The following A1CF variants were observed in gnomAD, a reference collection of about 807,000 sequenced individuals.
The protein encoded by A1CF is APOBEC-1 stimulating protein.
A neutral mutation model predicts 68.9 loss-of-function variants in A1CF; 48 were observed. The observed-to-expected ratio is 0.70, with a 90% CI of 0.55 to 0.89. The LOEUF is 0.89. Ranked by LOEUF, A1CF falls within the 40% of genes least tolerant of loss-of-function variation. A1CF has a pLI of 0.00. For missense variants in A1CF, 653 were observed against 718.9 expected, an observed-to-expected ratio of 0.91 and a Z score of 1.05; for synonymous variants, 272 against 260.4, an observed-to-expected ratio of 1.04 and a Z score of -0.43.
chr10:50,837,657 G>A (rs912776128), intron 5 of A1CF, among the ~76,000 whole-genome samples: 4 of 152,194 alleles, frequency 2.6e-5, no homozygotes, highest in African/African-American at 4.8e-5. Context: ...TAGTTCTTGC[G>A]TACTACATGC....
chr10:50,848,353 C>T (rs779040538), intron 3 of A1CF, among the ~76,000 whole-genome samples: 1 of 152,188 alleles, frequency 6.6e-6, no homozygotes, highest in East Asian at 1.9e-4. Context: ...GAATAAAGGT[C>T]CTATCATTCT....
At chr10:50,877,860 C>T (rs180694535) in intron 1 of A1CF, among the ~76,000 whole-genome samples, 122 of 152,334 alleles carry the variant, frequency 8.0e-4, no homozygotes, top group Admixed American at 1.4e-3. Context: ...CCGTGGCTCA[C>T]GCCTGTAATC....
rs146944926 is a variant in A1CF at position 50,820,889 on chromosome 10, G to A, written c.770-240C>T. 7.0e-4 allele frequency among the ~76,000 whole-genome samples: 107 copies of A among 152,098 alleles called. 2 individuals carry two copies. The highest frequency in any genetic ancestry group is 6.6e-3 in the Admixed American group (101 of 15,260). ...TGTCTTCCACTTCCTAGATTACAAG[G>A]TGTCTAAGGGTGGGAATTCCATCTT... On this transcript the variant is annotated intron_variant, in intron 7 of 12. Coordinates refer to ENST00000373997, the MANE Select transcript of A1CF (RefSeq NM_014576.4).
In A1CF at chr10:50,804,138, A is replaced by T. The variant is rs1231119939; in HGVS notation, c.*2591T>A. ...ACTAAAACAAAGTAAAATTTTAGCA[A>T]AAAAACCAAAACCACTTCTACCTAC... On this transcript the variant is annotated 3_prime_UTR_variant, in exon 13 of 13. Transcript: ENST00000373997. The T allele has an allele frequency of 6.6e-6, 1 of 152,176 alleles. No individual in the cohort carries two copies. Among genetic ancestry groups the T allele is most frequent in the Non-Finnish European group, 1.5e-5 (1 of 67,994 alleles). 9.4% of individuals were successfully genotyped at this position (152,176 alleles called of 1,614,324 possible).
rs757414546 is a variant in A1CF, at chr10:50,844,066, A to AG, written c.155dup (p.Glu53Ter). The AG allele has an allele frequency of 6.2e-7, 1 of 1,613,420 alleles. No individual in the cohort carries two copies. The highest frequency in any genetic ancestry group is 1.3e-5 in the African/African-American group (1 of 74,884). ...CAATAAAAATTTCACAGCCCCTTTC[A>AG]GGGGGTGCAGCATCCCAACCAGGTG... On this transcript the variant is annotated frameshift_variant, in exon 4 of 13. Coordinates refer to ENST00000373997, the MANE Select transcript of A1CF (RefSeq NM_014576.4). LOFTEE classifies it high-confidence loss of function.
At chr10:50,865,470 A>C (rs1840945586) in intron 1 of A1CF, among the ~76,000 whole-genome samples, 1 of 152,224 alleles carries the variant, frequency 6.6e-6, no homozygotes, top group Non-Finnish European at 1.5e-5. Context: ...TAGCTATTAT[A>C]TCATTTTAAT....
chr10:50,864,316 G>A (rs1341670650), intron 1 of A1CF, among the ~76,000 whole-genome samples: 1 of 152,154 alleles, frequency 6.6e-6, no homozygotes, highest in Non-Finnish European at 1.5e-5. Context: ...TCATATTGGA[G>A]GAGAGAAGCA....
At chr10:50,844,709 AAC>A (rs1454587344) in intron 3 of A1CF, among the ~76,000 whole-genome samples, 2 of 152,210 alleles carry the variant, frequency 1.3e-5, no homozygotes, top group African/African-American at 2.4e-5. Flanking sequence ...TTGTGGAAAA[AAC>A]ACAGTGACAT....
intron 5 of A1CF, among the ~76,000 whole-genome samples, chr10:50,836,547 T>A (rs931426913): frequency 6.6e-6 from 1 of 152,094 alleles, no homozygotes; most frequent in Non-Finnish European, 1.5e-5. Flanking sequence ...TTTCTTTTTT[T>A]ATTTTATTTT....
chr10:50,823,105 G>T (rs1260023922), intron 7 of A1CF: 2 of 152,118 alleles, frequency 1.3e-5, no homozygotes, highest in African/African-American at 4.8e-5. Context: ...AATTCTGTTT[G>T]CAGATATCTG....
chr10:50,832,674 C>A (rs545053580), intron 6 of A1CF, among the ~76,000 whole-genome samples: 43 of 152,254 alleles, frequency 2.8e-4, no homozygotes, highest in Middle Eastern at 6.8e-3. Context: ...GAAAACATAT[C>A]CTTTCTAACA....
intron 7 of A1CF, chr10:50,822,895 T>C (rs912667782): frequency 5.9e-5 from 9 of 152,146 alleles, no homozygotes; most frequent in Non-Finnish European, 1.3e-4. Context: ...CACTGGTCTG[T>C]TATCTCCCTG....
chr10:50,872,747 T>G (rs1385199006), intron 1 of A1CF, among the ~76,000 whole-genome samples: 1 of 152,014 alleles, frequency 6.6e-6, no homozygotes, highest in Non-Finnish European at 1.5e-5. Context: ...GATTGTCTGA[T>G]GCTTCACTCG....
chr10:50,816,633 C>G (rs1838385261), intron 8 of A1CF: 1 of 180,448 alleles, frequency 5.5e-6, no homozygotes, highest in African/African-American at 2.4e-5. Flanking sequence ...AATTATATAA[C>G]TACAAGACAA....
intron 3 of A1CF, among the ~76,000 whole-genome samples, chr10:50,854,101 C>G (rs750605693): frequency 2.0e-5 from 3 of 151,796 alleles, no homozygotes; most frequent in Non-Finnish European, 2.9e-5. Flanking sequence ...TAACTCCTGA[C>G]TGACCCTTAG....
At chr10:50,868,194 A>T (rs1841085408) in intron 1 of A1CF, among the ~76,000 whole-genome samples, 1 of 152,194 alleles carries the variant, frequency 6.6e-6, no homozygotes, top group African/African-American at 2.4e-5. Context: ...TTTTAGCACG[A>T]ATTTCAGCCC....
chr10:50,862,242 T>C (rs541445380), intron 2 of A1CF, among the ~76,000 whole-genome samples: 1 of 152,116 alleles, frequency 6.6e-6, no homozygotes, highest in South Asian at 2.1e-4. Context: ...GGTGCATGCC[T>C]GTAATCCCAG....
chr10:50,836,464 A>G, intron 5 of A1CF, 152 bp from the exon 6 acceptor site: 1 of 772,226 alleles, frequency 1.3e-6, no homozygotes, highest in Non-Finnish European at 2.0e-6. Context: ...TTCTTTTGCA[A>G]GATTATTAGA....
chr10:50,822,049 T>C (rs1393540108), intron 7 of A1CF, among the ~76,000 whole-genome samples: 1 of 152,200 alleles, frequency 6.6e-6, no homozygotes, highest in African/African-American at 2.4e-5. Flanking sequence ...GGTTTTCATA[T>C]TTTAATTGAT....
Sources: allele counts gnomAD v4.1 joint callset (sites outside exome capture counted in the v4.1 genomes callset), GRCh38; gene constraint gnomAD v4.1.1; transcripts MANE v1.5; gene names NCBI Gene and HGNC (gene_info 2026-07-23, HGNC 2026-07-21).